The following TENM1 variants were observed in gnomAD, a reference collection of about 807,000 sequenced individuals.
The protein encoded by TENM1 is teneurin-1.
Under a neutral mutation model 174.8 loss-of-function variants are expected in TENM1, and 35 were observed. That is an observed-to-expected ratio of 0.20 (90% CI 0.15 to 0.27). The LOEUF (loss-of-function observed/expected upper bound fraction) is 0.27. TENM1 is among the 10% of genes least tolerant of loss of function. The probability of loss-of-function intolerance (pLI) is 1.00; values close to 1 mark genes in which losing one functional copy is unlikely to be tolerated. For missense variants in TENM1, 1,633 were observed against 2,130.1 expected, an observed-to-expected ratio of 0.77 and a Z score of 4.59; for synonymous variants, 781 against 798.7, an observed-to-expected ratio of 0.98 and a Z score of 0.37.
intron 27 of TENM1, among the ~76,000 whole-genome samples, chrX:124,403,140 A>T (rs1237025702): frequency 1.9e-5 from 2 of 105,755 alleles, no homozygotes; most frequent in South Asian, 4.0e-4. Context: ...GTAGCTTTAT[A>T]AAAAAAAAAC....
At chrX:125,178,697 AT>A in the TENM1 span, among the ~76,000 whole-genome samples, 3 of 111,751 alleles carry the variant, frequency 2.7e-5, no homozygotes, top group African/African-American at 9.7e-5. Flanking sequence ...TTCAAGGGGA[AT>A]TTTAAAATAA....
At chrX:124,436,654 C>T (rs1320244556) in intron 23 of TENM1, among the ~76,000 whole-genome samples, 12 of 109,848 alleles carry the variant, frequency 1.1e-4, no homozygotes, top group African/African-American at 4.0e-4. Context: ...CCACCTCGCC[C>T]AGCTAATTTT....
chrX:125,175,948 G>A, the TENM1 span, among the ~76,000 whole-genome samples: 1 of 111,531 alleles, frequency 9.0e-6, no homozygotes, highest in East Asian at 2.8e-4. Flanking sequence ...TAGCGCTAAC[G>A]ACATTACTTG....
At chrX:124,843,906 T>G (rs1256852273) in intron 3 of TENM1, among the ~76,000 whole-genome samples, 2 of 111,808 alleles carry the variant, frequency 1.8e-5, no homozygotes, top group African/African-American at 6.5e-5. Context: ...TATTTTATGT[T>G]CCTTTCCTCC....
the TENM1 span, among the ~76,000 whole-genome samples, chrX:125,125,803 TCA>T: frequency 8.9e-6 from 1 of 112,000 alleles, no homozygotes; most frequent in Non-Finnish European, 1.9e-5. Context: ...AATCAATACA[TCA>T]TAAGAATCGT....
the TENM1 span, among the ~76,000 whole-genome samples, chrX:125,042,752 A>C: frequency 1.8e-5 from 2 of 111,438 alleles, no homozygotes; most frequent in Non-Finnish European, 3.8e-5. Flanking sequence ...TTTGTAATAT[A>C]TATTAAGTGA....
At chrX:124,558,828 C>T (rs1419191754) in intron 14 of TENM1, among the ~76,000 whole-genome samples, 6 of 110,756 alleles carry the variant, frequency 5.4e-5, no homozygotes, top group African/African-American at 2.0e-4. Flanking sequence ...GAGCTTTCCC[C>T]CCGTTCCCTA....
the TENM1 span, among the ~76,000 whole-genome samples, chrX:125,018,733 T>C: frequency 2.7e-5 from 3 of 111,404 alleles, no homozygotes; most frequent in South Asian, 7.4e-4. Flanking sequence ...AAAGTATAGA[T>C]AACTTTTCAA....
the TENM1 span, among the ~76,000 whole-genome samples, chrX:125,025,097 T>G: frequency 4.9e-4 from 55 of 112,036 alleles, no homozygotes; most frequent in African/African-American, 1.7e-3. Context: ...TCATTTTCTT[T>G]GGGAATAATC....
intron 20 of TENM1, among the ~76,000 whole-genome samples, chrX:124,487,608 T>C (rs2046979424): frequency 9.0e-6 from 1 of 111,651 alleles, no homozygotes; most frequent in South Asian, 3.8e-4. Context: ...GGCCTGGAAA[T>C]TTTACTTTTA....
intron 23 of TENM1, among the ~76,000 whole-genome samples, chrX:124,427,595 A>C (rs2060733069): frequency 9.0e-6 from 1 of 111,681 alleles, no homozygotes; most frequent in Non-Finnish European, 1.9e-5. Flanking sequence ...GTGGCTACTT[A>C]GTAGTTGAGA....
At chrX:124,718,851 A>G (rs780345978) in intron 4 of TENM1, among the ~76,000 whole-genome samples, 2 of 112,282 alleles carry the variant, frequency 1.8e-5, no homozygotes, top group African/African-American at 6.5e-5. Flanking sequence ...TGGCTACAAA[A>G]AAAGTGTTTC....
chrX:124,634,323 CT>C (rs1295302439), intron 11 of TENM1, among the ~76,000 whole-genome samples: 2 of 110,155 alleles, frequency 1.8e-5, no homozygotes, highest in Non-Finnish European at 3.8e-5. Flanking sequence ...CTAATAGAAA[CT>C]TTTTTTTTCT....
intron 1 of TENM1, among the ~76,000 whole-genome samples, chrX:124,919,538 A>G (rs1383906728): frequency 9.0e-6 from 1 of 111,469 alleles, no homozygotes; most frequent in East Asian, 2.8e-4. Flanking sequence ...TGGCAAAACT[A>G]TAAGGAAAAG....
chrX:124,560,047 A>C (rs2048777797), intron 14 of TENM1, among the ~76,000 whole-genome samples: 1 of 110,803 alleles, frequency 9.0e-6, no homozygotes, highest in Non-Finnish European at 1.9e-5. Context: ...AAGGAAAGTG[A>C]AGATGAGTCT....
At chrX:124,888,142 G>T (rs1350949095) in intron 3 of TENM1, among the ~76,000 whole-genome samples, 1 of 111,458 alleles carries the variant, frequency 9.0e-6, no homozygotes, top group African/African-American at 3.3e-5. Flanking sequence ...TGAATTTAGG[G>T]TCTGAGAACA....
intron 6 of TENM1, among the ~76,000 whole-genome samples, chrX:124,666,854 C>T: frequency 1.1e-5 from 1 of 88,488 alleles, no homozygotes; most frequent in Non-Finnish European, 2.2e-5. Context: ...TCACATGTAA[C>T]CCATCTACCC....
intron 1 of TENM1, among the ~76,000 whole-genome samples, chrX:124,907,532 T>C (rs1386414231): frequency 1.8e-5 from 2 of 111,946 alleles, no homozygotes; most frequent in Non-Finnish European, 3.8e-5. Flanking sequence ...GTCCCATAGC[T>C]ACAAATTTCT....
At chrX:124,682,868 C>A (rs182424130) in intron 5 of TENM1, among the ~76,000 whole-genome samples, 2 of 110,893 alleles carry the variant, frequency 1.8e-5, no homozygotes, top group African/African-American at 6.5e-5. Context: ...AAACATGACA[C>A]GATATAATAT....
Sources: gnomAD v4.1 joint callset for allele counts (sites outside exome capture counted in the v4.1 genomes callset) on GRCh38, gnomAD v4.1.1 for gene constraint, MANE v1.5 for transcripts, NCBI Gene and HGNC (gene_info 2026-07-23, HGNC 2026-07-21) for gene names.